Variants in SCFD2 observed in about 807,000 individuals in gnomAD.
SCFD2 encodes sec1 family domain containing 2.
SCFD2 carries 54 observed loss-of-function variants against 58.9 expected under a neutral mutation model. The ratio of observed to expected loss-of-function variants is 0.92; its 90% CI spans 0.74 to 1.15. SCFD2 has a LOEUF of 1.15. Among genes scored for constraint, SCFD2 ranks in the 50% most tolerant of loss-of-function variants. The pLI is 0.00. For missense variants in SCFD2, 805 were observed against 836.6 expected (o/e 0.96, Z 0.47); for synonymous variants, 321 against 335.9 (o/e 0.96, Z 0.49).
intron 5 of SCFD2, among the ~76,000 whole-genome samples, chr4:53,013,258 A>G (rs1387175874): frequency 6.6e-6 from 1 of 152,252 alleles, no homozygotes; most frequent in Non-Finnish European, 1.5e-5. Flanking sequence ...ACATTTATCA[A>G]GTACTGGTAA....
intron 5 of SCFD2, among the ~76,000 whole-genome samples, chr4:53,011,439 G>A (rs1393511051): frequency 6.6e-5 from 10 of 152,140 alleles, no homozygotes; most frequent in Admixed American, 2.0e-4. Context: ...TAGGAACCAG[G>A]ACACTACTGA....
chr4:52,975,610 T>C (rs1420638899), intron 5 of SCFD2, among the ~76,000 whole-genome samples: 1 of 152,184 alleles, frequency 6.6e-6, no homozygotes, highest in Non-Finnish European at 1.5e-5. Flanking sequence ...TGGAAGTCAG[T>C]GTGGCAATTC....
chr4:53,216,548 T>A (rs1333700686), intron 4 of SCFD2, among the ~76,000 whole-genome samples: 1 of 152,206 alleles, frequency 6.6e-6, no homozygotes. Context: ...TTTTTCTTTA[T>A]TAGTCTTGCT....
chr4:53,308,494 C>G (rs943832799), intron 3 of SCFD2, among the ~76,000 whole-genome samples: 2 of 152,180 alleles, frequency 1.3e-5, no homozygotes, highest in African/African-American at 2.4e-5. Context: ...ATCCCTCTCT[C>G]TCTCTCTTTC....
intron 5 of SCFD2, among the ~76,000 whole-genome samples, chr4:53,007,311 A>G (rs866432819): frequency 1.0e-4 from 12 of 119,080 alleles, no homozygotes; most frequent in Admixed American, 8.7e-4. Flanking sequence ...AGAGGGAGAG[A>G]GAGAGAGAGA....
At chr4:53,141,497 T>C (rs1290465826) in intron 5 of SCFD2, among the ~76,000 whole-genome samples, 1 of 152,108 alleles carries the variant, frequency 6.6e-6, no homozygotes, top group African/African-American at 2.4e-5. Context: ...AGAGCCAAGA[T>C]TTTGAGAAAT....
At chr4:53,052,917 T>C (rs1723223336) in intron 5 of SCFD2, among the ~76,000 whole-genome samples, 1 of 152,076 alleles carries the variant, frequency 6.6e-6, no homozygotes, top group African/African-American at 2.4e-5. Context: ...TCCAGTTACA[T>C]GAAGCTCAGA....
At chr4:53,093,695 T>C (rs1031209036) in intron 5 of SCFD2, among the ~76,000 whole-genome samples, 5 of 152,044 alleles carry the variant, frequency 3.3e-5, no homozygotes, top group African/African-American at 1.2e-4. Flanking sequence ...CCAAGATATA[T>C]ATTAAATGAA....
intron 5 of SCFD2, among the ~76,000 whole-genome samples, chr4:53,110,085 C>T (rs1449304931): frequency 4.4e-5 from 6 of 136,722 alleles, no homozygotes; most frequent in East Asian, 2.1e-4. Flanking sequence ...AGAAATAACA[C>T]GACACACCTA....
At chr4:53,217,513 C>T (rs1332606272) in intron 4 of SCFD2, among the ~76,000 whole-genome samples, 1 of 152,134 alleles carries the variant, frequency 6.6e-6, no homozygotes, top group Non-Finnish European at 1.5e-5. Context: ...TCCTCCATCC[C>T]TTTATTTTGA....
At chr4:53,236,944 G>C (rs1338813808) in intron 4 of SCFD2, among the ~76,000 whole-genome samples, 2 of 151,786 alleles carry the variant, frequency 1.3e-5, no homozygotes, top group Non-Finnish European at 1.5e-5. Flanking sequence ...AGCTAAACAA[G>C]TGAACAAAGG....
chr4:53,306,567 A>T (rs1384818591), intron 3 of SCFD2, among the ~76,000 whole-genome samples: 2 of 152,166 alleles, frequency 1.3e-5, no homozygotes, highest in African/African-American at 4.8e-5. Flanking sequence ...TCTCTCTGTT[A>T]CTCACCCATA....
intron 5 of SCFD2, among the ~76,000 whole-genome samples, chr4:53,108,270 G>A (rs1222756778): frequency 6.6e-6 from 1 of 152,138 alleles, no homozygotes; most frequent in Admixed American, 6.5e-5. Flanking sequence ...GGAGAAAGTA[G>A]GAAAGATGTA....
chr4:53,272,167 C>A (rs1164061909), intron 4 of SCFD2, among the ~76,000 whole-genome samples: 1 of 152,134 alleles, frequency 6.6e-6, no homozygotes, highest in African/African-American at 2.4e-5. Flanking sequence ...CCATCTCACA[C>A]CAGTTAGAAT....
intron 4 of SCFD2, among the ~76,000 whole-genome samples, chr4:53,237,315 C>T (rs1024040547): frequency 4.5e-4 from 68 of 151,700 alleles, no homozygotes; most frequent in African/African-American, 1.5e-3. Flanking sequence ...TCCACAAAGC[C>T]GCCATTGTCA....
intron 5 of SCFD2, among the ~76,000 whole-genome samples, chr4:52,939,819 C>G (rs1720244050): frequency 6.6e-6 from 1 of 152,180 alleles, no homozygotes. Context: ...ACGTCATCAT[C>G]TCTTCCTGTC....
intron 5 of SCFD2, among the ~76,000 whole-genome samples, chr4:53,104,317 A>G (rs1377878396): frequency 6.6e-6 from 1 of 152,216 alleles, no homozygotes; most frequent in African/African-American, 2.4e-5. Context: ...CCCAAAATTT[A>G]TATCACCAAT....
intron 3 of SCFD2, among the ~76,000 whole-genome samples, chr4:53,293,053 T>C (rs1278374941): frequency 6.6e-6 from 1 of 151,536 alleles, no homozygotes; most frequent in African/African-American, 2.4e-5. Context: ...TAAGAATATA[T>C]ATATGTAAAT....
At chr4:53,171,760 G>A (rs1177496791) in intron 4 of SCFD2, among the ~76,000 whole-genome samples, 1 of 151,756 alleles carries the variant, frequency 6.6e-6, no homozygotes, top group Non-Finnish European at 1.5e-5. Flanking sequence ...TTTCTTCTAG[G>A]TTATCCCATT....
Sources: gnomAD v4.1 joint callset for allele counts (sites outside exome capture counted in the v4.1 genomes callset) on GRCh38, gnomAD v4.1.1 for gene constraint, MANE v1.5 for transcripts, NCBI Gene and HGNC (gene_info 2026-07-23, HGNC 2026-07-21) for gene names.